The following DOCK5 variants were observed in gnomAD, a reference collection of about 807,000 sequenced individuals.
The protein encoded by DOCK5 is dedicator of cytokinesis 5.
DOCK5 carries 142 observed loss-of-function variants against 251.8 expected under a neutral mutation model. The observed-to-expected ratio is 0.56, with a 90% CI of 0.49 to 0.65. DOCK5 has a LOEUF of 0.65. DOCK5 is among the 30% of genes least tolerant of loss of function. The pLI, the probability that DOCK5 is intolerant of heterozygous loss-of-function variation, is 0.00. For synonymous variants in DOCK5, 842 were observed against 835.5 expected, an observed-to-expected ratio of 1.01 and a Z score of -0.13; for missense variants, 2,111 against 2,312.3, an observed-to-expected ratio of 0.91 and a Z score of 1.79.
chr8:25,296,519 G>C lies in DOCK5; in HGVS notation c.477G>C (p.Leu159=). 1 of 1,609,246 alleles carries C rather than the reference G, an allele frequency of 6.2e-7. No homozygotes were observed. The highest frequency in any genetic ancestry group is 8.5e-7 in the Non-Finnish European group (1 of 1,177,834). ...ACTACTCCTTTCTCTCCAGAATGCT[G>C]GGGTTAGATCTGGTGGTGCGAGATG... ...TAKIDHGNRM[L]GLDLVVRDDN... The change falls in exon 7 of 52, where the codon CTG becomes CTC. Residue 159 remains leucine, a synonymous_variant. Transcript: ENST00000276440.
intron 5 of DOCK5, among the ~76,000 whole-genome samples, chr8:25,279,965 A>G (rs866003701): frequency 3.3e-5 from 5 of 152,240 alleles, no homozygotes; most frequent in Middle Eastern, 3.4e-3. Flanking sequence ...GGGTTTTACC[A>G]TGCTGGGCAG....
intron 50 of DOCK5, 84 bp downstream of exon 50, chr8:25,409,024 C>G (rs1313086405): frequency 5.7e-6 from 9 of 1,566,734 alleles, no homozygotes; most frequent in Non-Finnish European, 7.0e-6. Context: ...ACTAAACCAG[C>G]CAGAATGTAT....
chr8:25,299,749 A>G (rs935022866), intron 8 of DOCK5, among the ~76,000 whole-genome samples: 1 of 152,148 alleles, frequency 6.6e-6, no homozygotes, highest in Non-Finnish European at 1.5e-5. Flanking sequence ...AAGGAGTGTG[A>G]TGGGCATTGT....
At chr8:25,298,250 T>C (rs181408941) in intron 7 of DOCK5, among the ~76,000 whole-genome samples, 1 of 152,256 alleles carries the variant, frequency 6.6e-6, no homozygotes, top group East Asian at 1.9e-4. Context: ...CTGAATCCAA[T>C]GGCAAACCAC....
chr8:25,289,787 A>G (rs1454372233), intron 5 of DOCK5, among the ~76,000 whole-genome samples: 2 of 152,070 alleles, frequency 1.3e-5, no homozygotes, highest in Non-Finnish European at 2.9e-5. Flanking sequence ...GGTTGTCGTG[A>G]GCTGAGATCA....
intron 5 of DOCK5, among the ~76,000 whole-genome samples, chr8:25,288,301 G>C (rs925416667): frequency 6.6e-6 from 1 of 152,170 alleles, no homozygotes; most frequent in Non-Finnish European, 1.5e-5. Context: ...TGCTTAGAAC[G>C]CTCTTAGGAA....
At chr8:25,208,847 C>T (rs1802064157) in intron 1 of DOCK5, among the ~76,000 whole-genome samples, 1 of 152,140 alleles carries the variant, frequency 6.6e-6, no homozygotes, top group African/African-American at 2.4e-5. Flanking sequence ...TTAAAATATG[C>T]CCATGACCTT....
At chr8:25,364,417 C>T (rs1800740649) in intron 29 of DOCK5, among the ~76,000 whole-genome samples, 1 of 152,162 alleles carries the variant, frequency 6.6e-6, no homozygotes, top group Non-Finnish European at 1.5e-5. Flanking sequence ...GGATGTGGCC[C>T]TGAGTGGCTC....
In DOCK5 at chr8:25,414,924, A is replaced by ATTTTTTTTTTT. The variant is rs1205298349; in HGVS notation, c.*3630_*3631insTTTTTTTTTTT. On this transcript the variant is annotated 3_prime_UTR_variant, in exon 52 of 52. Coordinates refer to ENST00000276440, the MANE Select transcript of DOCK5 (RefSeq NM_024940.8). ...CTGGGCCTGTCTTTTTTTTTTTTTA[A>ATTTTTTTTTTT]TTTTGAAGCTACCTGAGGTTTAGAA... The ATTTTTTTTTTT allele has an allele frequency of 9.3e-5, 6 of 64,246 alleles. No individual in the cohort carries two copies. Among genetic ancestry groups the ATTTTTTTTTTT allele is most frequent in the East Asian group, 4.7e-4 (1 of 2,116 alleles). 4.0% of individuals were successfully genotyped at this position (64,246 alleles called of 1,614,324 possible).
At chr8:25,237,489 A>G (rs1802833334) in intron 1 of DOCK5, among the ~76,000 whole-genome samples, 1 of 152,210 alleles carries the variant, frequency 6.6e-6, no homozygotes, top group Non-Finnish European at 1.5e-5. Flanking sequence ...TTGGTTTCTT[A>G]TTGCATAATC....
At chr8:25,363,500 T>C (rs1014345098) in intron 29 of DOCK5, among the ~76,000 whole-genome samples, 2 of 152,250 alleles carry the variant, frequency 1.3e-5, no homozygotes, top group African/African-American at 4.8e-5. Flanking sequence ...ATGATGTATT[T>C]AACCAGATTC....
chr8:25,279,956 G>A (rs1804145901), intron 5 of DOCK5, among the ~76,000 whole-genome samples: 2 of 151,960 alleles, frequency 1.3e-5, no homozygotes, highest in African/African-American at 2.4e-5. Flanking sequence ...GTAGAGATGG[G>A]GTTTTACCAT....
intron 16 of DOCK5, among the ~76,000 whole-genome samples, chr8:25,322,131 A>G (rs1586327871): frequency 6.6e-6 from 1 of 152,212 alleles, no homozygotes; most frequent in South Asian, 2.1e-4. Context: ...CCAAAAATGC[A>G]TGTGTTGAAC....
chr8:25,382,733 C>T lies in DOCK5; in HGVS notation c.4086C>T (p.Tyr1362=), dbSNP rs758644355. The T allele has an allele frequency of 9.3e-6, 15 of 1,613,630 alleles. No homozygotes were observed. The highest frequency in any genetic ancestry group is 3.3e-5 in the South Asian group (3 of 91,004). The part of the protein sequence containing the change: ...IIKAMRPQPE[Y]FAVGYYGQGF... ...AGGCAATGAGGCCTCAGCCTGAATACTTTGCTGTTGGATACTATGGACAGG... is the reference window on the plus strand; with the variant it reads ...AGGCAATGAGGCCTCAGCCTGAATATTTTGCTGTTGGATACTATGGACAGG... The change falls in exon 40 of 52, where the codon TAC becomes TAT. Residue 1362 remains tyrosine (Y), a synonymous_variant. Transcript: ENST00000276440.
intron 49 of DOCK5, 49 bp from the exon 50 acceptor site, chr8:25,408,753 T>C (rs1236850746): frequency 6.2e-7 from 1 of 1,605,624 alleles, no homozygotes; most frequent in Admixed American, 1.7e-5. Context: ...ATTGTTGAGC[T>C]CAGCCTTCCT....
chr8:25,330,306 G>A (rs536074839), intron 18 of DOCK5, among the ~76,000 whole-genome samples: 3 of 152,300 alleles, frequency 2.0e-5, no homozygotes, highest in Admixed American at 2.0e-4. Context: ...CATCAAACAT[G>A]TATTGAACAC....
In DOCK5 at chr8:25,373,268, G is replaced by T. The variant is rs143785885; in HGVS notation, c.3685-350G>T. On this transcript the variant is annotated intron_variant, in intron 35 of 51. Transcript: ENST00000276440. ...ACGCCTCAGCCTCCCAAAGTGCTGG[G>T]ATTACAGGCGTGAGCCACCGCACCC... is the stretch of plus-strand genomic sequence containing the variant. Among the ~76,000 whole-genome samples the T allele has an allele frequency of 8.3e-4, 127 of 152,250 alleles. 2 individuals are homozygous for T. In the South Asian group the frequency reaches 0.026, roughly 31 times the overall value.
chr8:25,385,686 A>G (rs958116806), intron 40 of DOCK5, among the ~76,000 whole-genome samples: 4 of 152,206 alleles, frequency 2.6e-5, no homozygotes, highest in Non-Finnish European at 5.9e-5. Flanking sequence ...CTTATGTTCC[A>G]GCTTGGAGAG....
intron 20 of DOCK5, 34 bp downstream of exon 20, chr8:25,332,726 G>T: frequency 2.0e-6 from 3 of 1,512,492 alleles, no homozygotes; most frequent in South Asian, 1.2e-5. Flanking sequence ...AGTGTTTATT[G>T]TTGCAACTTT....
Sources: allele counts gnomAD v4.1 joint callset (sites outside exome capture counted in the v4.1 genomes callset), GRCh38; gene constraint gnomAD v4.1.1; transcripts MANE v1.5; gene names NCBI Gene and HGNC (gene_info 2026-07-23, HGNC 2026-07-21).